ST3GAL1: variants seen among roughly 807,000 people sequenced by gnomAD.
ST3GAL1 encodes the protein ST3 beta-galactoside alpha-2,3-sialyltransferase 1.
In ST3GAL1, 16 loss-of-function variants were observed where a neutral mutation model predicts 34.1. The observed-to-expected ratio is 0.47, with a 90% CI of 0.32 to 0.71. The LOEUF (loss-of-function observed/expected upper bound fraction) is 0.71. Among genes scored for constraint, ST3GAL1 ranks in the 30% least tolerant of loss-of-function variants. The pLI is 0.04. For missense variants in ST3GAL1, 353 were observed against 447.4 expected (o/e 0.79, Z 1.90); for synonymous variants, 191 against 184.7 (o/e 1.03, Z -0.28).
At chr8:133,516,368 C>T (rs1817647679) in intron 2 of ST3GAL1, 1 of 152,190 alleles carries the variant, frequency 6.6e-6, no homozygotes, top group East Asian at 1.9e-4. Context: ...TTTTGTACAG[C>T]CTGCAGAATT....
intron 2 of ST3GAL1, among the ~76,000 whole-genome samples, chr8:133,512,771 C>T (rs1015041296): frequency 2.0e-5 from 3 of 152,178 alleles, no homozygotes; most frequent in African/African-American, 7.2e-5. Flanking sequence ...AAACCCTTTG[C>T]AAAACCAGCT....
chr8:133,561,012 G>A (rs183808743), intron 1 of ST3GAL1, among the ~76,000 whole-genome samples: 225 of 152,110 alleles, frequency 1.5e-3, no homozygotes, highest in African/African-American at 5.0e-3. Context: ...AGCCTGTCAC[G>A]TAGAGTGCAC....
chr8:133,504,063 G>T (rs1040200910), intron 2 of ST3GAL1, among the ~76,000 whole-genome samples: 75 of 152,300 alleles, frequency 4.9e-4, no homozygotes, highest in African/African-American at 1.7e-3. Flanking sequence ...TCCTGTGAAG[G>T]CTGGGCTTTC....
At position 133,461,758 on chromosome 8, in the gene ST3GAL1, C is replaced by A. The variant is rs571227504; in HGVS notation, c.849+117G>T. On this transcript the variant is annotated intron_variant, in intron 9 of 9. Coordinates refer to ENST00000522652, the MANE Select transcript of ST3GAL1 (RefSeq NM_173344.3). This position sits in a 1 kb window ranked among gnomAD's most constrained non-coding sequence, Gnocchi z 4.7. ...AAGTCCTGTCGTAGAGACAGGGAAT[C>A]CGAGCTTCCGGAAGAGGCAGGCTAG... 1.5e-4 allele frequency: 217 copies of A among 1,445,776 alleles called. No homozygotes were observed. The highest frequency in any genetic ancestry group is 2.0e-4 in the Non-Finnish European group (207 of 1,057,510). 89.6% of individuals were successfully genotyped at this position (1,445,776 alleles called of 1,614,324 possible).
At chr8:133,497,234 C>T (rs1035092355) in intron 3 of ST3GAL1, among the ~76,000 whole-genome samples, 2 of 152,194 alleles carry the variant, frequency 1.3e-5, no homozygotes, top group African/African-American at 2.4e-5. Flanking sequence ...ATCCGGATTC[C>T]TGCCCTGCCT....
intron 2 of ST3GAL1, among the ~76,000 whole-genome samples, chr8:133,530,285 T>TC (rs1563729183): frequency 1.3e-5 from 1 of 75,916 alleles, no homozygotes; most frequent in African/African-American, 6.3e-5. Context: ...TCTTTATTTT[T>TC]ATTTTTTTTT....
chr8:133,460,944 C>A (rs1158188331), intron 9 of ST3GAL1, among the ~76,000 whole-genome samples: 1 of 152,142 alleles, frequency 6.6e-6, no homozygotes, highest in East Asian at 1.9e-4. Flanking sequence ...GTGGCTTTCT[C>A]AGGAAATGCA....
chr8:133,562,959 G>C (rs1019815982), intron 1 of ST3GAL1, among the ~76,000 whole-genome samples: 11 of 148,228 alleles, frequency 7.4e-5, no homozygotes, highest in African/African-American at 2.2e-4. Flanking sequence ...TTTTGAGCTT[G>C]AAACAATATT....
chr8:133,480,744 C>T lies in ST3GAL1; in HGVS notation c.-373-4144G>A, dbSNP rs145893555. 9.2e-5 allele frequency among the ~76,000 whole-genome samples: 14 copies of T among 152,322 alleles called. No homozygotes were observed. The East Asian group carries it at 2.5e-3, about 27-fold the overall frequency. Reference sequence around the variant, plus strand: ...CTTCTCCTGTGGCTTTCTGTGTAGCCGTGGCTCATCATTCAATTCCATCAA... The same window carrying T: ...CTTCTCCTGTGGCTTTCTGTGTAGCTGTGGCTCATCATTCAATTCCATCAA... On this transcript the variant is annotated intron_variant, in intron 3 of 9. Coordinates refer to ENST00000522652, the MANE Select transcript of ST3GAL1 (RefSeq NM_173344.3).
At chr8:133,538,886 C>T (rs1818384036) in intron 2 of ST3GAL1, among the ~76,000 whole-genome samples, 1 of 151,676 alleles carries the variant, frequency 6.6e-6, no homozygotes, top group Non-Finnish European at 1.5e-5. Context: ...TAAGCCTTCA[C>T]AGCGCAGCCC....
rs1326263083 is a variant in ST3GAL1, at chr8:133,540,884, CAT to C, written c.-429+4888_-429+4889del. ...ATATATAGAGACATATATATAGAGACATATATATAGACATATATATAGACATA... is the reference window on the plus strand; with the variant it reads ...ATATATAGAGACATATATATAGAGACATATATAGACATATATATAGACATA... On this transcript the variant is annotated intron_variant, in intron 2 of 9. Transcript: ENST00000522652. 1.5e-4 allele frequency among the ~76,000 whole-genome samples: 13 copies of C among 88,030 alleles called. 1 individual carries two copies. Among genetic ancestry groups the C allele is most frequent in the Admixed American group, 3.5e-4 (3 of 8,674 alleles). The allele number at this position is 88,030 out of a possible 152,430, so 57.8% of individuals were successfully genotyped here.
At chr8:133,511,237 C>T (rs55819648) in intron 2 of ST3GAL1, among the ~76,000 whole-genome samples, 30,604 of 152,102 alleles carry the variant, frequency 0.2, 3,119 homozygotes, top group Middle Eastern at 0.26. Flanking sequence ...GTTATCTGGG[C>T]TTGGGGACTT....
At position 133,517,893 on chromosome 8, in the gene ST3GAL1, G is replaced by A. The variant is rs538360414; in HGVS notation, c.-428-18704C>T. On this transcript the variant is annotated intron_variant, in intron 2 of 9. Coordinates refer to ENST00000522652, the MANE Select transcript of ST3GAL1 (RefSeq NM_173344.3). ...AGAGTTCTGGCTACCTTTGAAAAAG[G>A]TGGGGAAGATCCAGGAACCCTGAGC... Among the ~76,000 whole-genome samples the A allele has an allele frequency of 5.3e-5, 8 of 152,352 alleles. No homozygotes were observed. In the South Asian group the frequency reaches 1.0e-3, roughly 20 times the overall value.
At chr8:133,507,617 G>A (rs959477877) in intron 2 of ST3GAL1, among the ~76,000 whole-genome samples, 1 of 152,206 alleles carries the variant, frequency 6.6e-6, no homozygotes, top group African/African-American at 2.4e-5. Context: ...ACATTGTAGG[G>A]ACATGAAGAA....
intron 2 of ST3GAL1, among the ~76,000 whole-genome samples, chr8:133,513,720 C>A (rs1817561286): frequency 1.3e-5 from 2 of 151,900 alleles, no homozygotes; most frequent in South Asian, 2.1e-4. Context: ...ATGGTGAAAC[C>A]CCATCTCTAC....
intron 2 of ST3GAL1, chr8:133,515,712 T>C (rs1198546242): frequency 6.6e-6 from 1 of 152,198 alleles, no homozygotes; most frequent in Non-Finnish European, 1.5e-5. Flanking sequence ...GCCTAGCCTA[T>C]GAGTAAGCCC....
Position 133,467,760 on chromosome 8 carries a change from A to G in ST3GAL1, c.307-1670T>C, listed in dbSNP as rs1484553780. On this transcript the variant is annotated intron_variant, in intron 5 of 9. Transcript: ENST00000522652. This position sits in a 1 kb window ranked among gnomAD's most constrained non-coding sequence, Gnocchi z 4.2. ...GAAGATGAGTGACCTGGGCATATGT[A>G]GGGAGATCCCGGGGCACCCAGTCCC... Among the ~76,000 whole-genome samples the G allele has an allele frequency of 2.0e-5, 3 of 152,126 alleles. No homozygotes were observed. The highest frequency in any genetic ancestry group is 7.2e-5 in the African/African-American group (3 of 41,424).
At chr8:133,493,034 A>T (rs1170762313) in intron 3 of ST3GAL1, among the ~76,000 whole-genome samples, 3 of 151,346 alleles carry the variant, frequency 2.0e-5, no homozygotes, top group Non-Finnish European at 4.4e-5. Context: ...TGCTAGAGAC[A>T]GCTCTGTCCC....
intron 3 of ST3GAL1, among the ~76,000 whole-genome samples, chr8:133,481,033 A>G (rs1016721081): frequency 1.3e-5 from 2 of 152,180 alleles, no homozygotes; most frequent in Admixed American, 6.5e-5. Flanking sequence ...GCCGTCTTAA[A>G]GCCCACATTG....
Sources: allele counts gnomAD v4.1 joint callset (sites outside exome capture counted in the v4.1 genomes callset), GRCh38; gene constraint gnomAD v4.1.1; non-coding constraint Gnocchi (gnomAD v3.1); transcripts MANE v1.5; gene names NCBI Gene and HGNC (gene_info 2026-07-23, HGNC 2026-07-21).